Variants in STARD13 observed in about 807,000 individuals in gnomAD.
STARD13 encodes stAR-related lipid transfer protein 13.
Under a neutral mutation model 106.4 loss-of-function variants are expected in STARD13, and 62 were observed. That is an observed-to-expected ratio of 0.58 (90% CI 0.48 to 0.72). The LOEUF is 0.72. STARD13 is among the 30% of genes least tolerant of loss of function. STARD13 has a pLI of 0.00. For missense variants in STARD13, 1,387 were observed against 1,424.0 expected, an observed-to-expected ratio of 0.97 and a Z score of 0.42; for synonymous variants, 565 against 553.0, an observed-to-expected ratio of 1.02 and a Z score of -0.31.
At position 33,111,851 on chromosome 13, in the gene STARD13, T is replaced by C. The variant is rs1874628472; in HGVS notation, c.2534A>G (p.Lys845Arg). 1 of 1,613,942 alleles carries C rather than the reference T, an allele frequency of 6.2e-7. No individual in the cohort carries two copies. Among genetic ancestry groups the C allele is most frequent in the Non-Finnish European group, 8.5e-7 (1 of 1,179,812 alleles). Residue 845 changes from lysine (K) to arginine (R), a missense_variant, in exon 10 of 14, where the codon AAG becomes AGG. Physicochemically the swap from Lys to Arg is conservative, Grantham distance 26. Coordinates refer to ENST00000336934, the MANE Select transcript of STARD13 (RefSeq NM_178006.4). ...KKYATGKPDQ[K>R]DLNENLAAAQ... ...TGCTGCCAGATTCTCGTTGAGGTCC[T>C]TTTGATCTGGCTTCCCAGTGGCATA...
the STARD13 span, among the ~76,000 whole-genome samples, chr13:33,464,495 C>A: frequency 8.6e-4 from 131 of 152,196 alleles, no homozygotes; most frequent in Non-Finnish European, 1.5e-3. Flanking sequence ...AAGAGTGGAG[C>A]CCTGCACTGA....
the STARD13 span, among the ~76,000 whole-genome samples, chr13:33,512,303 C>A: frequency 1.3e-5 from 2 of 152,074 alleles, no homozygotes; most frequent in African/African-American, 4.8e-5. Context: ...TATATGTGAG[C>A]AAAATTTTAC....
At chr13:33,206,049 T>G (rs1344845114) in intron 1 of STARD13, 1 of 985,180 alleles carries the variant, frequency 1.0e-6, no homozygotes, top group Non-Finnish European at 1.2e-6. Context: ...TGTGCCTGGT[T>G]TGAGGTTGGT....
At chr13:33,480,580 G>T in the STARD13 span, among the ~76,000 whole-genome samples, 1 of 152,012 alleles carries the variant, frequency 6.6e-6, no homozygotes, top group Admixed American at 6.6e-5. Context: ...ATCACTACAG[G>T]AAAAGAAAAG....
the STARD13 span, among the ~76,000 whole-genome samples, chr13:33,513,037 T>A: frequency 2.0e-5 from 3 of 152,200 alleles, no homozygotes; most frequent in Non-Finnish European, 4.4e-5. Flanking sequence ...GTTTATATAT[T>A]GTCTACAGCT....
the STARD13 span, among the ~76,000 whole-genome samples, chr13:33,426,503 C>A: frequency 1.3e-5 from 2 of 152,204 alleles, no homozygotes; most frequent in African/African-American, 4.8e-5. Context: ...TGTAACTCTT[C>A]TGCCAAATCA....
the STARD13 span, among the ~76,000 whole-genome samples, chr13:33,622,144 G>A: frequency 2.0e-5 from 3 of 151,934 alleles, no homozygotes; most frequent in African/African-American, 7.3e-5. Flanking sequence ...AAAACAAAAA[G>A]AAAAAAATCA....
chr13:33,163,610 AT>A (rs1362288449), intron 3 of STARD13, among the ~76,000 whole-genome samples: 57 of 133,180 alleles, frequency 4.3e-4, no homozygotes, highest in African/African-American at 1.6e-3. Flanking sequence ...AAAAAAATAT[AT>A]ATATATATAT....
chr13:33,206,210 C>T (rs938628534), intron 1 of STARD13, among the ~76,000 whole-genome samples: 3 of 152,118 alleles, frequency 2.0e-5, no homozygotes, highest in African/African-American at 7.2e-5. Flanking sequence ...TGCTCCTTCT[C>T]CTAGGCACCC....
At chr13:33,285,781 A>G, upstream of STARD13, 1 of 1,458,446 alleles carries the variant, frequency 6.9e-7, no homozygotes, top group Non-Finnish European at 9.0e-7. Flanking sequence ...TGCCAAAGCC[A>G]CAACTCAGAA....
Position 33,129,378 on chromosome 13 carries a change from C to T in STARD13, c.1299G>A (p.Leu433=). 6.2e-7 allele frequency: 1 copy of T among 1,614,166 alleles called. No individual in the cohort carries two copies. Among genetic ancestry groups the T allele is most frequent in the Non-Finnish European group, 8.5e-7 (1 of 1,180,040 alleles). The change falls in exon 5 of 14, where the codon CTG becomes CTA. Residue 433 remains leucine, a synonymous_variant. Transcript: ENST00000336934. ...GVNWRTGSIS[L]GREQVPGARE... ...TGGCACCAGGGACCTGCTCTCTGCC[C>T]AGGGAGATGCTACCGGTCCTCCAAT...
At chr13:33,123,516 A>G (rs1289928120) in intron 7 of STARD13, among the ~76,000 whole-genome samples, 1 of 152,224 alleles carries the variant, frequency 6.6e-6, no homozygotes, top group African/African-American at 2.4e-5. Flanking sequence ...CTTCATATTC[A>G]TCAGGAATAG....
chr13:33,162,876 G>T (rs112760549), intron 3 of STARD13, among the ~76,000 whole-genome samples: 6 of 151,836 alleles, frequency 4.0e-5, no homozygotes, highest in African/African-American at 1.5e-4. Flanking sequence ...CAGTTCCAAA[G>T]TTGTTTCCAC....
chr13:33,181,961 T>C (rs1268994146), intron 1 of STARD13, among the ~76,000 whole-genome samples: 1 of 152,236 alleles, frequency 6.6e-6, no homozygotes, highest in Non-Finnish European at 1.5e-5. Flanking sequence ...AAGATCATCT[T>C]AACCTGACTG....
At chr13:33,376,577 A>G in the STARD13 span, among the ~76,000 whole-genome samples, 2 of 151,912 alleles carry the variant, frequency 1.3e-5, no homozygotes, top group African/African-American at 4.8e-5. Flanking sequence ...ACCTGTGAAT[A>G]CCCACCACAC....
chr13:33,637,485 A>G, the STARD13 span, among the ~76,000 whole-genome samples: 1 of 152,234 alleles, frequency 6.6e-6, no homozygotes, highest in Non-Finnish European at 1.5e-5. Flanking sequence ...ATGTTTTAAC[A>G]CATAGCCCTC....
chr13:33,131,980 G>A (rs1300213166), intron 4 of STARD13, among the ~76,000 whole-genome samples: 1 of 152,206 alleles, frequency 6.6e-6, no homozygotes. Flanking sequence ...TATGTATCTA[G>A]CGTCCACTTT....
At chr13:33,511,684 G>A in the STARD13 span, among the ~76,000 whole-genome samples, 6,185 of 152,000 alleles carry the variant, frequency 0.041, 176 homozygotes, top group Non-Finnish European at 0.066. Context: ...AATCCTAGGC[G>A]GAGTCTCCCC....
chr13:33,341,708 CAAG>C (rs969244948), intron 1 of STARD13, among the ~76,000 whole-genome samples: 2 of 151,976 alleles, frequency 1.3e-5, no homozygotes, highest in Non-Finnish European at 2.9e-5. Context: ...TTTTCCAATT[CAAG>C]GAGGACGCTG....
Sources: gnomAD v4.1 joint callset for allele counts (sites outside exome capture counted in the v4.1 genomes callset) on GRCh38, gnomAD v4.1.1 for gene constraint, MANE v1.5 for transcripts, NCBI Gene and HGNC (gene_info 2026-07-23, HGNC 2026-07-21) for gene names.